Variants in MAST4 observed in about 807,000 individuals in gnomAD.
MAST4 encodes microtubule-associated serine/threonine-protein kinase 4.
A neutral mutation model predicts 162.7 loss-of-function variants in MAST4; 89 were observed. That is an observed-to-expected ratio of 0.55 (90% CI 0.46 to 0.65). MAST4 has a LOEUF of 0.65. MAST4 is among the 30% of genes least tolerant of loss of function. The pLI is 0.00. For synonymous variants in MAST4, 1,479 were observed against 1,361.1 expected (o/e 1.09, Z -1.91); for missense variants, 3,153 against 3,374.0 (o/e 0.93, Z 1.62).
chr5:67,059,202 G>A (rs1017125546), intron 5 of MAST4, among the ~76,000 whole-genome samples: 21 of 152,308 alleles, frequency 1.4e-4, no homozygotes, highest in African/African-American at 3.6e-4. Flanking sequence ...TGCCCTCTGC[G>A]ATCTTGTAGC....
chr5:66,686,021 A>G (rs371405179), intron 1 of MAST4, among the ~76,000 whole-genome samples: 2 of 152,124 alleles, frequency 1.3e-5, no homozygotes, highest in Non-Finnish European at 1.5e-5. Flanking sequence ...TCAGACGGTA[A>G]TGCTTGCTCA....
At chr5:66,786,603 T>G (rs949118292) in intron 2 of MAST4, among the ~76,000 whole-genome samples, 2 of 152,212 alleles carry the variant, frequency 1.3e-5, no homozygotes, top group Non-Finnish European at 2.9e-5. Context: ...GTAATATTAA[T>G]GCAGCATTCC....
rs779591798 is a variant in MAST4 at position 67,167,021 on chromosome 5, G to A, written c.7842G>A (p.Leu2614=). The A allele has an allele frequency of 6.9e-6, 11 of 1,600,544 alleles. No homozygotes were observed. In the South Asian group the frequency reaches 1.2e-4, roughly 18 times the overall value. ...GGCAGAGGCGGGGGAAAGAGAGTTT[G>A]CGTAGCAGCCCTCACAAAAAGGCCT... ...VVRQRRGKES[L]RSSPHKKAL Residue 2614 remains leucine, a synonymous_variant, in exon 29 of 29, where the codon TTG becomes TTA. Coordinates refer to ENST00000403625, the MANE Select transcript of MAST4 (RefSeq NM_001164664.2).
intron 25 of MAST4, 26 bp downstream of exon 25, chr5:67,152,892 G>T: frequency 6.3e-7 from 1 of 1,578,378 alleles, no homozygotes; most frequent in Non-Finnish European, 8.7e-7. Flanking sequence ...CTCGCACTTG[G>T]GATTTTTCAT....
intron 1 of MAST4, among the ~76,000 whole-genome samples, chr5:66,696,949 G>T (rs987487521): frequency 1.3e-5 from 2 of 152,124 alleles, no homozygotes; most frequent in African/African-American, 4.8e-5. Flanking sequence ...CTTAACCCTT[G>T]AGAGTACTTT....
intron 4 of MAST4, among the ~76,000 whole-genome samples, chr5:66,943,395 C>T (rs189885630): frequency 5.1e-4 from 77 of 152,068 alleles, no homozygotes; most frequent in African/African-American, 1.8e-3. Flanking sequence ...AAACAAGGCC[C>T]TGAGATAAAG....
chr5:67,163,605 C>T lies in MAST4; in HGVS notation c.4426C>T (p.Gln1476Ter). 1 of 1,600,372 alleles carries T rather than the reference C, an allele frequency of 6.2e-7. No individual in the cohort carries two copies. Among genetic ancestry groups the T allele is most frequent in the Non-Finnish European group, 8.5e-7 (1 of 1,174,054 alleles). ...CCTGGAGGTGACCCAAGAGGAGGTG[C>T]AGCGGGAGCAGTCCCAGCGGGAGGC... is the stretch of plus-strand genomic sequence containing the variant. ...HSLEVTQEEVQREQSQREAPL... is the reference protein window; with the variant it reads ...HSLEVTQEEV The change falls in exon 29 of 29, where the codon CAG becomes TAG. Residue 1476 changes from glutamine to a stop codon, truncating the protein, a stop_gained. Transcript: ENST00000403625. LOFTEE classifies it low-confidence loss of function (END_TRUNC). The surrounding 1 kb of genome is among the most constrained non-coding windows in gnomAD (Gnocchi z 7.0).
intron 4 of MAST4, among the ~76,000 whole-genome samples, chr5:66,967,997 G>C (rs150918772): frequency 1.3e-5 from 2 of 152,188 alleles, no homozygotes; most frequent in East Asian, 1.9e-4. Flanking sequence ...GATGTGACTC[G>C]TGCCAGCTCC....
chr5:66,917,195 A>G (rs1316315586), intron 4 of MAST4: 6 of 521,794 alleles, frequency 1.1e-5, no homozygotes, highest in African/African-American at 1.1e-4. Context: ...CTTCACTACC[A>G]CTGATGTTGA....
intron 1 of MAST4, among the ~76,000 whole-genome samples, chr5:66,647,105 G>C (rs1363067861): frequency 6.6e-6 from 1 of 152,130 alleles, no homozygotes; most frequent in East Asian, 1.9e-4. Context: ...ATGAATGTTA[G>C]TGCTTTGTAT....
In MAST4 at chr5:67,163,092, A is replaced by C; in HGVS notation, c.3968-55A>C. ...TAATACAGTCTGGGCTACAACTGTG[A>C]AAAAAAGGGGAAAATGACCATGGAT... On this transcript the variant is annotated intron_variant, in intron 28 of 28. Coordinates refer to ENST00000403625, the MANE Select transcript of MAST4 (RefSeq NM_001164664.2). The surrounding 1 kb of genome is among the most constrained non-coding windows in gnomAD (Gnocchi z 7.0). The C allele has an allele frequency of 3.2e-6, 5 of 1,539,674 alleles. No homozygotes were observed. The highest frequency in any genetic ancestry group is 4.4e-6 in the Non-Finnish European group (5 of 1,133,954).
chr5:66,655,122 G>T (rs1746464174), intron 1 of MAST4, among the ~76,000 whole-genome samples: 1 of 152,122 alleles, frequency 6.6e-6, no homozygotes, highest in South Asian at 2.1e-4. Flanking sequence ...ACTGATTTTA[G>T]CTCCTGTGAT....
intron 4 of MAST4, among the ~76,000 whole-genome samples, chr5:67,032,423 G>T (rs1430209658): frequency 6.6e-6 from 1 of 152,072 alleles, no homozygotes; most frequent in Non-Finnish European, 1.5e-5. Context: ...TATTCAGCAA[G>T]GTTTAATTAA....
intron 3 of MAST4, among the ~76,000 whole-genome samples, chr5:66,845,126 T>TATATATACATAC (rs1358855625): frequency 1.5e-5 from 1 of 67,172 alleles, no homozygotes; most frequent in African/African-American, 5.6e-5. Flanking sequence ...TATATATATA[T>TATATATACATAC]ACACACACAC....
At chr5:66,741,445 C>G (rs1437506119) in intron 1 of MAST4, among the ~76,000 whole-genome samples, 2 of 152,080 alleles carry the variant, frequency 1.3e-5, no homozygotes, top group Non-Finnish European at 2.9e-5. Context: ...ATATTTTAGG[C>G]TTTGTGGGCT....
At chr5:67,089,064 C>G (rs1388242093) in intron 5 of MAST4, among the ~76,000 whole-genome samples, 3 of 152,212 alleles carry the variant, frequency 2.0e-5, no homozygotes, top group Non-Finnish European at 2.9e-5. Flanking sequence ...ACAATAGTCA[C>G]TTTCATTAAG....
chr5:67,024,524 A>G (rs1487229620), intron 4 of MAST4, among the ~76,000 whole-genome samples: 5 of 151,616 alleles, frequency 3.3e-5, no homozygotes, highest in African/African-American at 9.7e-5. Flanking sequence ...TTTCAAATCT[A>G]TTTTCTAGAA....
rs1774146295 is a variant in MAST4 at position 67,167,117 on chromosome 5, T to A, written c.*66T>A. 7.3e-7 allele frequency: 1 copy of A among 1,379,082 alleles called. No individual in the cohort carries two copies. Among genetic ancestry groups the A allele is most frequent in the Non-Finnish European group, 9.7e-7 (1 of 1,031,184 alleles). 85.4% of individuals were successfully genotyped at this position (1,379,082 alleles called of 1,614,324 possible). On this transcript the variant is annotated 3_prime_UTR_variant, in exon 29 of 29. Transcript: ENST00000403625. Reference sequence around the variant, plus strand: ...AACGGGCGACTGTGTCTTGACTACCTTTCAAAACCAGCACTGTGTGGGAAT... The same window carrying A: ...AACGGGCGACTGTGTCTTGACTACCATTCAAAACCAGCACTGTGTGGGAAT...
chr5:66,649,445 T>G (rs1272722103), intron 1 of MAST4, among the ~76,000 whole-genome samples: 1 of 152,186 alleles, frequency 6.6e-6, no homozygotes, highest in African/African-American at 2.4e-5. Context: ...GGCCATACCC[T>G]CACCCTTTTG....
Sources: gnomAD v4.1 joint callset for allele counts (sites outside exome capture counted in the v4.1 genomes callset) on GRCh38, gnomAD v4.1.1 for gene constraint, Gnocchi (gnomAD v3.1) non-coding constraint, MANE v1.5 for transcripts, NCBI Gene and HGNC (gene_info 2026-07-23, HGNC 2026-07-21) for gene names.